SAMTOR: variants seen among roughly 807,000 people sequenced by gnomAD.
SAMTOR encodes the protein S-adenosylmethionine sensor upstream of mTORC1, also known as UPF0532 protein C7orf60.
the SAMTOR span, among the ~76,000 whole-genome samples, chr7:112,891,272 T>C: frequency 6.6e-6 from 1 of 152,338 alleles, no homozygotes; most frequent in African/African-American, 2.4e-5. Context: ...AGCTTTGTAG[T>C]AACCTTTGAA....
the SAMTOR span, among the ~76,000 whole-genome samples, chr7:112,849,904 C>T: frequency 1.3e-5 from 2 of 152,138 alleles, no homozygotes; most frequent in African/African-American, 2.4e-5. Context: ...TTATTGATTG[C>T]ATATGTTAAA....
At chr7:112,821,826 G>A in the SAMTOR span, 25 of 1,613,392 alleles carry the variant, frequency 1.5e-5, no homozygotes, top group Non-Finnish European at 1.6e-5. Context: ...TGAGTCATAT[G>A]GCGCATCAGG....
the SAMTOR span, chr7:112,939,639 C>T: frequency 2.5e-6 from 4 of 1,613,940 alleles, no homozygotes; most frequent in Non-Finnish European, 3.4e-6. Flanking sequence ...TTCACCACAC[C>T]GGAGAGCTTC....
the SAMTOR span, among the ~76,000 whole-genome samples, chr7:112,911,026 T>A: frequency 6.6e-6 from 1 of 152,118 alleles, no homozygotes; most frequent in African/African-American, 2.4e-5. Flanking sequence ...TTTGCTGAAA[T>A]GGTACCTGGG....
At chr7:112,902,413 T>C in the SAMTOR span, among the ~76,000 whole-genome samples, 1 of 31,056 alleles carries the variant, frequency 3.2e-5, no homozygotes, top group African/African-American at 1.1e-4. Flanking sequence ...CAAAACTCCG[T>C]CTCAAAAAAA....
At chr7:112,920,215 A>T in the SAMTOR span, among the ~76,000 whole-genome samples, 1 of 152,224 alleles carries the variant, frequency 6.6e-6, no homozygotes, top group South Asian at 2.1e-4. Context: ...ATACTGGCAA[A>T]CTGAATCCAG....
the SAMTOR span, among the ~76,000 whole-genome samples, chr7:112,898,720 C>T: frequency 6.6e-6 from 1 of 152,216 alleles, no homozygotes; most frequent in African/African-American, 2.4e-5. Context: ...CACTTCTTCC[C>T]CAACTCTGGT....
chr7:112,845,959 T>G, the SAMTOR span, among the ~76,000 whole-genome samples: 1 of 152,028 alleles, frequency 6.6e-6, no homozygotes, highest in Non-Finnish European at 1.5e-5. Context: ...AGCAAACTAC[T>G]GCAGAACAGA....
At chr7:112,832,653 T>C in the SAMTOR span, 1 of 1,611,902 alleles carries the variant, frequency 6.2e-7, no homozygotes, top group Non-Finnish European at 8.5e-7. Flanking sequence ...AGTAATCTGA[T>C]TTTTCCTGAG....
chr7:112,886,954 A>T, the SAMTOR span, among the ~76,000 whole-genome samples: 1 of 152,142 alleles, frequency 6.6e-6, no homozygotes, highest in Non-Finnish European at 1.5e-5. Context: ...TCACGAGGTC[A>T]GAAGTTCAAG....
chr7:112,900,934 G>T, the SAMTOR span, among the ~76,000 whole-genome samples: 1 of 152,142 alleles, frequency 6.6e-6, no homozygotes, highest in African/African-American at 2.4e-5. Flanking sequence ...ACTATAAACT[G>T]TCTAAAAGGT....
At chr7:112,906,851 T>C in the SAMTOR span, among the ~76,000 whole-genome samples, 2 of 152,206 alleles carry the variant, frequency 1.3e-5, no homozygotes, top group African/African-American at 4.8e-5. Flanking sequence ...ATTATAGGCA[T>C]GAGCCACCAT....
chr7:112,874,660 G>A, the SAMTOR span, among the ~76,000 whole-genome samples: 1 of 152,004 alleles, frequency 6.6e-6, no homozygotes, highest in African/African-American at 2.4e-5. Flanking sequence ...TAATAATACA[G>A]AAATATGTTG....
the SAMTOR span, among the ~76,000 whole-genome samples, chr7:112,934,762 G>A: frequency 6.6e-6 from 1 of 152,188 alleles, no homozygotes; most frequent in Admixed American, 6.5e-5. Context: ...GAACCGCTAT[G>A]TTAGTGGGTT....
At chr7:112,934,851 T>G in the SAMTOR span, among the ~76,000 whole-genome samples, 1 of 152,204 alleles carries the variant, frequency 6.6e-6, no homozygotes, top group African/African-American at 2.4e-5. Flanking sequence ...AAAAAGCCCC[T>G]AAAACGATAC....
the SAMTOR span, among the ~76,000 whole-genome samples, chr7:112,900,508 C>T: frequency 3.3e-5 from 5 of 152,254 alleles, no homozygotes; most frequent in East Asian, 1.9e-4. Context: ...AAATAATGTT[C>T]GGCCAAATAT....
chr7:112,901,159 C>A, the SAMTOR span, among the ~76,000 whole-genome samples: 6 of 152,220 alleles, frequency 3.9e-5, no homozygotes, highest in Admixed American at 3.3e-4. Context: ...CCCCAACCCC[C>A]AGTACTGGTC....
chr7:112,903,299 C>A, the SAMTOR span, among the ~76,000 whole-genome samples: 2 of 146,060 alleles, frequency 1.4e-5, no homozygotes, highest in African/African-American at 5.1e-5. Flanking sequence ...GTAACAACAG[C>A]GAAACTGTCT....
the SAMTOR span, among the ~76,000 whole-genome samples, chr7:112,825,828 T>C: frequency 6.6e-6 from 1 of 152,018 alleles, no homozygotes; most frequent in Non-Finnish European, 1.5e-5. Flanking sequence ...CTTTATCAGG[T>C]TCAAGAAATT....
Sources: allele counts gnomAD v4.1 joint callset (sites outside exome capture counted in the v4.1 genomes callset), GRCh38; gene constraint gnomAD v4.1.1; transcripts MANE v1.5; gene names NCBI Gene and HGNC (gene_info 2026-07-23, HGNC 2026-07-21).